The following DPP10 variants were observed in gnomAD, a reference collection of about 807,000 sequenced individuals.
DPP10 encodes the protein inactive dipeptidyl peptidase 10.
In DPP10, 33 loss-of-function variants were observed where a neutral mutation model predicts 120.9. The ratio of observed to expected loss-of-function variants is 0.27; its 90% confidence interval spans 0.21 to 0.37. The LOEUF (loss-of-function observed/expected upper bound fraction) is 0.37. Among genes scored for constraint, DPP10 ranks in the 10% least tolerant of loss-of-function variants. The probability of loss-of-function intolerance (pLI) is 1.00; values close to 1 mark genes in which losing one functional copy is unlikely to be tolerated. For synonymous variants in DPP10, 337 were observed against 326.1 expected (o/e 1.03, Z -0.36); for missense variants, 816 against 942.8 (o/e 0.87, Z 1.76).
At chr2:115,752,415 A>G (rs187587936) in intron 10 of DPP10, among the ~76,000 whole-genome samples, 2 of 152,346 alleles carry the variant, frequency 1.3e-5, no homozygotes, top group East Asian at 3.9e-4. Flanking sequence ...TCCAATCACC[A>G]GTTACCATGA....
chr2:115,623,197 T>A (rs1188292635), intron 5 of DPP10, among the ~76,000 whole-genome samples: 1 of 152,072 alleles, frequency 6.6e-6, no homozygotes, highest in Non-Finnish European at 1.5e-5. Flanking sequence ...GATGGCAGAG[T>A]TGAACCACAG....
chr2:114,547,106 T>C (rs1326772580), intron 1 of DPP10, among the ~76,000 whole-genome samples: 4 of 152,232 alleles, frequency 2.6e-5, no homozygotes, highest in Non-Finnish European at 5.9e-5. Flanking sequence ...CAAGGCCCCA[T>C]CAAAACAGGC....
intron 1 of DPP10, among the ~76,000 whole-genome samples, chr2:115,216,879 G>T (rs562815428): frequency 1.3e-5 from 2 of 151,136 alleles, no homozygotes; most frequent in Non-Finnish European, 2.9e-5. Flanking sequence ...AGACATATAC[G>T]TGTATATATG....
At chr2:115,586,612 C>T (rs948514600) in intron 5 of DPP10, among the ~76,000 whole-genome samples, 3 of 152,120 alleles carry the variant, frequency 2.0e-5, no homozygotes, top group African/African-American at 7.2e-5. Flanking sequence ...CCTTCTTTCC[C>T]AAGACAGGAT....
intron 5 of DPP10, among the ~76,000 whole-genome samples, chr2:115,529,409 T>G (rs943772029): frequency 7.9e-5 from 12 of 151,946 alleles, no homozygotes; most frequent in Non-Finnish European, 1.5e-4. Context: ...CCTCAGGGGA[T>G]CCACCCGCTT....
chr2:114,782,886 A>G (rs780173990), intron 1 of DPP10, among the ~76,000 whole-genome samples: 1 of 152,102 alleles, frequency 6.6e-6, no homozygotes, highest in East Asian at 1.9e-4. Flanking sequence ...CAGCTTAAAA[A>G]CACTCCTCAG....
intron 3 of DPP10, among the ~76,000 whole-genome samples, chr2:115,464,869 A>T (rs776763533): frequency 6.6e-6 from 1 of 152,154 alleles, no homozygotes; most frequent in Non-Finnish European, 1.5e-5. Flanking sequence ...TCTAAGGTTC[A>T]TACTTACTCA....
intron 1 of DPP10, among the ~76,000 whole-genome samples, chr2:115,198,525 G>C (rs1193956963): frequency 3.3e-5 from 5 of 152,068 alleles, no homozygotes; most frequent in African/African-American, 1.2e-4. Context: ...TGCCTTTGCT[G>C]TTTCACTGGT....
intron 1 of DPP10, among the ~76,000 whole-genome samples, chr2:114,472,833 A>T (rs879439025): frequency 2.0e-5 from 3 of 152,254 alleles, no homozygotes; most frequent in African/African-American, 7.2e-5. Flanking sequence ...GCTGGTTCAC[A>T]GAAGTAAGTT....
At chr2:114,538,665 A>G (rs1314699496) in intron 1 of DPP10, among the ~76,000 whole-genome samples, 2 of 152,298 alleles carry the variant, frequency 1.3e-5, no homozygotes, top group Non-Finnish European at 2.9e-5. Context: ...TAGCACTGCA[A>G]TCTCAGAATC....
chr2:115,354,192 T>TGTTGTTACCTGGGTATACCAG (rs1257235059), intron 3 of DPP10, among the ~76,000 whole-genome samples: 3 of 152,170 alleles, frequency 2.0e-5, no homozygotes, highest in South Asian at 4.1e-4. Context: ...CAGGGGTACA[T>TGTTGTTACCTGGGTATACCAG]GTTGTTACCT....
intron 21 of DPP10, among the ~76,000 whole-genome samples, chr2:115,824,823 A>G (rs957558686): frequency 1.3e-5 from 2 of 152,162 alleles, no homozygotes; most frequent in East Asian, 3.8e-4. Context: ...TATTTCTAAG[A>G]ATAGTCTTTG....
At chr2:115,777,722 A>G (rs568974096) in intron 14 of DPP10, 65 bp from the exon 15 acceptor site, 1 of 1,553,186 alleles carries the variant, frequency 6.4e-7, no homozygotes, top group Admixed American at 1.7e-5. Context: ...ACAATGTGAC[A>G]AAATTCACAG....
chr2:115,017,973 G>A (rs967303263), intron 1 of DPP10, among the ~76,000 whole-genome samples: 7 of 151,228 alleles, frequency 4.6e-5, no homozygotes, highest in African/African-American at 1.7e-4. Context: ...TGCACGTTGC[G>A]CACATGTACG....
At chr2:115,343,645 A>G (rs2063557367) in intron 2 of DPP10, among the ~76,000 whole-genome samples, 172 bp from the exon 3 acceptor site, 1 of 152,120 alleles carries the variant, frequency 6.6e-6, no homozygotes, top group Non-Finnish European at 1.5e-5. Context: ...AGTTTCATTT[A>G]TTTAAAAAGT....
chr2:115,214,336 C>T (rs920473508), intron 1 of DPP10, among the ~76,000 whole-genome samples: 11 of 152,204 alleles, frequency 7.2e-5, no homozygotes, highest in Admixed American at 2.6e-4. Context: ...GGAGTCCCTT[C>T]TGTCTGGGGG....
intron 1 of DPP10, among the ~76,000 whole-genome samples, chr2:114,503,404 C>T (rs1194220162): frequency 6.6e-6 from 1 of 152,068 alleles, no homozygotes; most frequent in Non-Finnish European, 1.5e-5. Flanking sequence ...GGAGTTTTGA[C>T]TGATTATAAT....
chr2:115,500,070 A>G (rs1265479481), intron 4 of DPP10, among the ~76,000 whole-genome samples: 1 of 151,918 alleles, frequency 6.6e-6, no homozygotes, highest in Non-Finnish European at 1.5e-5. Context: ...AGAATTTAGG[A>G]TTCTGTCAGT....
intron 1 of DPP10, among the ~76,000 whole-genome samples, chr2:115,140,461 G>A (rs1300030957): frequency 6.6e-6 from 1 of 152,204 alleles, no homozygotes; most frequent in Admixed American, 6.5e-5. Flanking sequence ...GGCCGCTCTA[G>A]GAAACTTGGC....
Sources: allele counts gnomAD v4.1 joint callset (sites outside exome capture counted in the v4.1 genomes callset), GRCh38; gene constraint gnomAD v4.1.1; transcripts MANE v1.5; gene names NCBI Gene and HGNC (gene_info 2026-07-23, HGNC 2026-07-21).